Variants in ACSF2 observed in about 807,000 individuals in gnomAD.
The protein encoded by ACSF2 is medium-chain acyl-CoA ligase ACSF2, mitochondrial.
A neutral mutation model predicts 79.3 loss-of-function variants in ACSF2; 52 were observed. The ratio of observed to expected loss-of-function variants is 0.66; its 90% CI spans 0.53 to 0.83. ACSF2 has a LOEUF of 0.83. Ranked by LOEUF, ACSF2 falls within the 40% of genes least tolerant of loss-of-function variation. The pLI is 0.00. For missense variants in ACSF2, 661 were observed against 803.3 expected, an observed-to-expected ratio of 0.82 and a Z score of 2.14; for synonymous variants, 283 against 312.6, an observed-to-expected ratio of 0.91 and a Z score of 1.00.
At chr17:50,443,872 G>A (rs549268533) in intron 1 of ACSF2, among the ~76,000 whole-genome samples, 1 of 152,008 alleles carries the variant, frequency 6.6e-6, no homozygotes, top group Non-Finnish European at 1.5e-5. Context: ...TGAATGCAGC[G>A]TGATCATCTA....
intron 10 of ACSF2, among the ~76,000 whole-genome samples, chr17:50,466,080 TTTTTTTTTTC>T (rs1344295296): frequency 6.6e-6 from 1 of 151,202 alleles, no homozygotes; most frequent in Non-Finnish European, 1.5e-5. Context: ...TTTCTTTTTT[TTTTTTTTTTC>T]CTTTTTTTTT....
At chr17:50,435,472 G>A (rs888167778) in intron 1 of ACSF2, among the ~76,000 whole-genome samples, 4 of 151,612 alleles carry the variant, frequency 2.6e-5, no homozygotes, top group Non-Finnish European at 5.9e-5. Flanking sequence ...GCACAGTGGT[G>A]CAACCACGGC....
chr17:50,472,545 G>C lies in ACSF2; in HGVS notation c.1441G>C (p.Glu481Gln). 6.2e-7 allele frequency: 1 copy of C among 1,611,614 alleles called. No homozygotes were observed. Residue 481 changes from glutamate (E) to glutamine (Q), a missense_variant, in exon 12 of 16, where the codon GAA (glutamate) becomes CAA (glutamine). Physicochemically the swap from Glu to Gln is conservative, Grantham distance 29. Transcript: ENST00000300441. ...CTGGGGTGAGCCTCAGAAGACAGAG[G>C]AAGCAGTGGATCAGGACAAGTGGTA... ...GYWGEPQKTE[E>Q]AVDQDKWYWT...
intron 1 of ACSF2, among the ~76,000 whole-genome samples, chr17:50,457,097 T>C (rs2032059921): frequency 6.6e-6 from 1 of 150,822 alleles, no homozygotes; most frequent in South Asian, 2.1e-4. Flanking sequence ...AAAAAAAAAA[T>C]GAAAAAAAGA....
At chr17:50,448,770 T>TTG (rs967717989) in intron 1 of ACSF2, among the ~76,000 whole-genome samples, 3 of 151,966 alleles carry the variant, frequency 2.0e-5, no homozygotes, top group South Asian at 2.1e-4. Flanking sequence ...CAGAAGCATT[T>TTG]TGTGTGTGTG....
chr17:50,443,985 A>G (rs1459495776), intron 1 of ACSF2, among the ~76,000 whole-genome samples: 1 of 152,186 alleles, frequency 6.6e-6, no homozygotes, highest in Non-Finnish European at 1.5e-5. Flanking sequence ...TTTAGCTGCA[A>G]CTGCTTTCTA....
At chr17:50,460,948 C>G (rs1257496878) in intron 2 of ACSF2, 76 bp downstream of exon 2, 1 of 1,482,170 alleles carries the variant, frequency 6.7e-7, no homozygotes. Flanking sequence ...GAACCAGGAG[C>G]GTGGGCACCT....
intron 10 of ACSF2, chr17:50,468,027 G>A (rs778584517): frequency 6.4e-7 from 1 of 1,568,212 alleles, no homozygotes; most frequent in East Asian, 2.3e-5. Flanking sequence ...AGAGCCCACA[G>A]CCAGGAGCTC....
intron 1 of ACSF2, among the ~76,000 whole-genome samples, chr17:50,456,855 T>G (rs991353256): frequency 3.3e-5 from 5 of 151,896 alleles, no homozygotes; most frequent in Non-Finnish European, 7.4e-5. Flanking sequence ...AGCCCAGGAG[T>G]TCGAGACCAG....
chr17:50,464,224 T>A lies in ACSF2; in HGVS notation c.1145T>A (p.Ile382Asn). ...YDISTMCGGV[I>N]AGSPAPPELI... ...AGCCCTCTCTCTGATTCAGGTGTCA[T>A]TGCTGGGTCCCCTGCACCTCCAGAG... The change falls in exon 10 of 16, where the codon ATT (isoleucine) becomes AAT (asparagine). Residue 382 changes from isoleucine (I) to asparagine (N), a missense_variant. Physicochemically the swap from Ile to Asn is moderately radical, Grantham distance 149. Coordinates refer to ENST00000300441, the MANE Select transcript of ACSF2 (RefSeq NM_025149.6). 6.2e-7 allele frequency: 1 copy of A among 1,614,108 alleles called. No individual in the cohort carries two copies. Among genetic ancestry groups the A allele is most frequent in the Non-Finnish European group, 8.5e-7 (1 of 1,180,014 alleles).
At chr17:50,431,995 T>C (rs2029970669) in intron 1 of ACSF2, among the ~76,000 whole-genome samples, 2 of 151,806 alleles carry the variant, frequency 1.3e-5, no homozygotes, top group South Asian at 2.1e-4. Context: ...AGCCTCGAAC[T>C]CTTGAGTGAT....
chr17:50,472,602 A>C (rs922482177), intron 12 of ACSF2, 23 bp downstream of exon 12: 3 of 1,570,192 alleles, frequency 1.9e-6, no homozygotes, highest in Admixed American at 1.9e-5. Flanking sequence ...GGCGGGGTGG[A>C]GGCTCTGGCC....
intron 1 of ACSF2, among the ~76,000 whole-genome samples, chr17:50,457,294 A>T (rs372600091): frequency 6.6e-6 from 1 of 152,316 alleles, no homozygotes; most frequent in East Asian, 1.9e-4. Context: ...GATATGGGCT[A>T]GGCAGTCCCT....
Position 50,463,357 on chromosome 17 carries a change from GCTCCAAGACAGACCCAGCCTCCTGT to G in ACSF2, c.889-32_889-8del. On this transcript the variant is annotated splice_polypyrimidine_tract_variant and intron_variant, in intron 7 of 15. Transcript: ENST00000300441. This position sits in a 1 kb window ranked among gnomAD's most constrained non-coding sequence, Gnocchi z 4.6. ...CCAGCTAGAGAGGAACTGGCGTCTGGCTCCAAGACAGACCCAGCCTCCTGTCTCCATCACCAGACACCAGAGCAGT... is the reference window on the plus strand; with the variant it reads ...CCAGCTAGAGAGGAACTGGCGTCTGGCTCCATCACCAGACACCAGAGCAGT... 2 of 1,611,398 alleles carry G rather than the reference GCTCCAAGACAGACCCAGCCTCCTGT, an allele frequency of 1.2e-6. No homozygotes were observed. Among genetic ancestry groups the G allele is most frequent in the Non-Finnish European group, 1.7e-6 (2 of 1,178,404 alleles).
At chr17:50,429,809 C>T (rs983943928) in intron 1 of ACSF2, among the ~76,000 whole-genome samples, 27 of 152,158 alleles carry the variant, frequency 1.8e-4, no homozygotes, top group African/African-American at 6.0e-4. Context: ...TGAGCCACCA[C>T]GCCCGGCCCA....
intron 1 of ACSF2, among the ~76,000 whole-genome samples, chr17:50,445,740 GC>G (rs1265118596): frequency 6.6e-6 from 1 of 151,684 alleles, no homozygotes; most frequent in Non-Finnish European, 1.5e-5. Context: ...GGTCAAGTCT[GC>G]AGTGAGCTGT....
At chr17:50,461,420 C>T (rs199509766) in intron 3 of ACSF2, 50 bp downstream of exon 3, 5 of 1,611,166 alleles carry the variant, frequency 3.1e-6, no homozygotes, top group Non-Finnish European at 4.2e-6. Flanking sequence ...GGGAACATCA[C>T]TGAAGGGGAG....
At chr17:50,473,588 A>G (rs1249396529) in intron 12 of ACSF2, 77 bp from the exon 13 acceptor site, 49 of 1,600,158 alleles carry the variant, frequency 3.1e-5, no homozygotes, top group Non-Finnish European at 4.2e-5. Context: ...TAGCTGGTCA[A>G]TAAATGTTTC....
intron 1 of ACSF2, among the ~76,000 whole-genome samples, chr17:50,457,316 G>C (rs1004515791): frequency 6.6e-6 from 1 of 152,220 alleles, no homozygotes; most frequent in Non-Finnish European, 1.5e-5. Flanking sequence ...GTGGAATCCA[G>C]GTAGAAGCTC....
Sources: allele counts gnomAD v4.1 joint callset (sites outside exome capture counted in the v4.1 genomes callset), GRCh38; gene constraint gnomAD v4.1.1; non-coding constraint Gnocchi (gnomAD v3.1); transcripts MANE v1.5; gene names NCBI Gene and HGNC (gene_info 2026-07-23, HGNC 2026-07-21).